SPHKAP: variants seen among roughly 807,000 people sequenced by gnomAD.
The protein encoded by SPHKAP is SPHK1 interactor, AKAP domain containing.
Under a neutral mutation model 137.5 loss-of-function variants are expected in SPHKAP, and 67 were observed. That is an observed-to-expected ratio of 0.49 (90% CI 0.40 to 0.60). The LOEUF (loss-of-function observed/expected upper bound fraction) is 0.60. Ranked by LOEUF, SPHKAP falls within the 20% of genes least tolerant of loss-of-function variation. The probability of loss-of-function intolerance (pLI) is 0.00; values close to 1 mark genes in which losing one functional copy is unlikely to be tolerated. For missense variants in SPHKAP, 2,097 were observed against 2,069.3 expected, an observed-to-expected ratio of 1.01 and a Z score of -0.26; for synonymous variants, 813 against 785.3, an observed-to-expected ratio of 1.04 and a Z score of -0.59.
intron 3 of SPHKAP, among the ~76,000 whole-genome samples, chr2:228,059,215 G>T (rs985289146): frequency 6.6e-6 from 1 of 152,166 alleles, no homozygotes; most frequent in Non-Finnish European, 1.5e-5. Context: ...TTGCATGCAG[G>T]TGTTTGCATG....
At chr2:228,027,651 A>G (rs1695096086) in intron 3 of SPHKAP, 108 bp from the exon 4 acceptor site, 1 of 1,084,034 alleles carries the variant, frequency 9.2e-7, no homozygotes, top group Admixed American at 1.9e-5. Flanking sequence ...AGTCTTCCAC[A>G]TCTTAGACAG....
In SPHKAP at chr2:228,017,383, G is replaced by T; in HGVS notation, c.3471C>A (p.Ser1157Arg). 1 of 1,614,002 alleles carries T rather than the reference G, an allele frequency of 6.2e-7. No homozygotes were observed. Among genetic ancestry groups the T allele is most frequent in the South Asian group, 1.1e-5 (1 of 91,060 alleles). Residue 1157 changes from serine to arginine, a missense_variant, in exon 7 of 12, where the codon AGC (serine) becomes AGA (arginine). Ser to Arg is a moderately radical substitution (Grantham distance 110, BLOSUM62 -1). Transcript: ENST00000392056. ...LLDYYAGKNASSILNSAMQQA... is the reference protein window; with the variant it reads ...LLDYYAGKNARSILNSAMQQA... The stretch of plus-strand genomic sequence containing the variant: ...GTTGCATGGCTGAGTTCAGAATGCT[G>T]CTGGCGTTCTTGCCAGCATAGTAAT...
intron 7 of SPHKAP, among the ~76,000 whole-genome samples, chr2:228,006,194 G>A (rs531248512): frequency 2.0e-5 from 3 of 152,232 alleles, no homozygotes; most frequent in African/African-American, 7.2e-5. Flanking sequence ...ATGTAGATTT[G>A]TTCTTTTCAC....
chr2:228,101,258 G>GCCAT (rs1475103828), intron 3 of SPHKAP, among the ~76,000 whole-genome samples: 1 of 152,082 alleles, frequency 6.6e-6, no homozygotes, highest in Non-Finnish European at 1.5e-5. Context: ...AGGAACTCAA[G>GCCAT]CCATAATCAT....
At chr2:228,160,944 T>G (rs756465383) in intron 1 of SPHKAP, among the ~76,000 whole-genome samples, 16 of 152,238 alleles carry the variant, frequency 1.1e-4, no homozygotes, top group Non-Finnish European at 1.8e-4. Context: ...TTGTCAGATC[T>G]GACATTGTGT....
At chr2:228,036,004 A>G (rs1404744392) in intron 3 of SPHKAP, among the ~76,000 whole-genome samples, 2 of 150,246 alleles carry the variant, frequency 1.3e-5, no homozygotes, top group East Asian at 3.9e-4. Flanking sequence ...ACCAAAGGCA[A>G]TGGCAACAAA....
rs181751806 is a variant in SPHKAP, at chr2:228,071,194, A to G, written c.246+37638T>C. 2.9e-4 allele frequency among the ~76,000 whole-genome samples: 44 copies of G among 152,332 alleles called. No homozygotes were observed. The East Asian group carries it at 8.1e-3, about 28-fold the overall frequency. ...TCAGAAATTCGACTGCACTTGCAGA[A>G]AACAGTAGTTTGCCTATCCCTTCCT... is the stretch of plus-strand genomic sequence containing the variant. On this transcript the variant is annotated intron_variant, in intron 3 of 11. Coordinates refer to ENST00000392056, the MANE Select transcript of SPHKAP (RefSeq NM_001142644.2).
At chr2:228,028,376 C>A (rs779529718) in intron 3 of SPHKAP, among the ~76,000 whole-genome samples, 2 of 152,102 alleles carry the variant, frequency 1.3e-5, no homozygotes, top group African/African-American at 4.8e-5. Context: ...ATACAATTTG[C>A]CTCTTTGTTA....
rs573540625 is a variant in SPHKAP, at chr2:228,019,603, T to A, written c.1251A>T (p.Glu417Asp). 2.5e-6 allele frequency: 4 copies of A among 1,614,158 alleles called. No individual in the cohort carries two copies. In the South Asian group the frequency reaches 4.4e-5, roughly 18 times the overall value. Residue 417 changes from glutamate to aspartate, a missense_variant, in exon 7 of 12, where the codon GAA becomes GAT. Physicochemically the swap from Glu to Asp is conservative, Grantham distance 45. Coordinates refer to ENST00000392056, the MANE Select transcript of SPHKAP (RefSeq NM_001142644.2). The part of the protein sequence containing the change: ...LSQSQSTLPQ[E>D]SAVSVSVGSS... ...TTCCTACAGAAACACTGACTGCAGA[T>A]TCCTGGGGTAATGTGGACTGAGATT... is the stretch of plus-strand genomic sequence containing the variant.
rs148649383 is a variant in SPHKAP at position 228,006,419 on chromosome 2, G to A, written c.4448+9987C>T. ...GTCCTTTAAGGACTTTTCTGCATTG[G>A]TTTTTCTAGTTAGCCTTTTGTCTAA... On this transcript the variant is annotated intron_variant, in intron 7 of 11. Transcript: ENST00000392056. Among the ~76,000 whole-genome samples the A allele has an allele frequency of 6.0e-3, 907 of 152,190 alleles. 8 individuals carry two copies. Among genetic ancestry groups the A allele is most frequent in the African/African-American group, 0.021 (870 of 41,526 alleles).
At chr2:228,044,891 A>T (rs1272052759) in intron 3 of SPHKAP, among the ~76,000 whole-genome samples, 2 of 152,246 alleles carry the variant, frequency 1.3e-5, no homozygotes, top group African/African-American at 4.8e-5. Flanking sequence ...GAACTCAAAC[A>T]AATTTACAAG....
intron 3 of SPHKAP, among the ~76,000 whole-genome samples, chr2:228,038,379 C>A (rs1220347087): frequency 1.3e-5 from 2 of 151,304 alleles, no homozygotes; most frequent in Non-Finnish European, 2.9e-5. Flanking sequence ...TTTTTTTTTG[C>A]AGGGGCAGTT....
At chr2:228,086,387 C>A (rs1273657842) in intron 3 of SPHKAP, among the ~76,000 whole-genome samples, 1 of 152,094 alleles carries the variant, frequency 6.6e-6, no homozygotes, top group African/African-American at 2.4e-5. Context: ...GAAGGTGGTG[C>A]TTTCTCTCCC....
chr2:228,101,417 AG>A (rs1698178364), intron 3 of SPHKAP, among the ~76,000 whole-genome samples: 1 of 152,204 alleles, frequency 6.6e-6, no homozygotes, highest in Admixed American at 6.5e-5. Flanking sequence ...TTGCAAATCT[AG>A]TTTATGAAGG....
intron 3 of SPHKAP, among the ~76,000 whole-genome samples, chr2:228,045,966 A>T (rs1309316962): frequency 1.3e-5 from 2 of 152,114 alleles, no homozygotes; most frequent in Non-Finnish European, 2.9e-5. Context: ...CAGTTTTAAG[A>T]TGAATCAGTT....
chr2:228,157,895 C>A (rs10200615), intron 1 of SPHKAP, among the ~76,000 whole-genome samples: 1,985 of 152,136 alleles, frequency 0.013, 47 homozygotes, highest in African/African-American at 0.045. Flanking sequence ...AAAATGTCAC[C>A]AAGGAAACAA....
At chr2:228,091,598 G>A (rs982342403) in intron 3 of SPHKAP, among the ~76,000 whole-genome samples, 2 of 152,066 alleles carry the variant, frequency 1.3e-5, no homozygotes, top group African/African-American at 4.8e-5. Context: ...CCATTGAAAA[G>A]TGTGCTAAGG....
At chr2:228,003,000 G>T (rs566402939) in intron 7 of SPHKAP, among the ~76,000 whole-genome samples, 1 of 152,144 alleles carries the variant, frequency 6.6e-6, no homozygotes, top group Admixed American at 6.5e-5. Flanking sequence ...GTCAGGCAGC[G>T]TGATGCCTCC....
intron 3 of SPHKAP, among the ~76,000 whole-genome samples, chr2:228,076,954 C>T (rs1697204876): frequency 6.6e-6 from 1 of 152,094 alleles, no homozygotes; most frequent in Non-Finnish European, 1.5e-5. Flanking sequence ...CCCAGGGTCT[C>T]CCTGCTATGT....
Sources: allele counts gnomAD v4.1 joint callset (sites outside exome capture counted in the v4.1 genomes callset), GRCh38; gene constraint gnomAD v4.1.1; transcripts MANE v1.5; gene names NCBI Gene and HGNC (gene_info 2026-07-23, HGNC 2026-07-21).